Variants in IL1RAPL1 observed in about 807,000 individuals in gnomAD.
IL1RAPL1 encodes interleukin 1 receptor accessory protein like 1.
A neutral mutation model predicts 48.4 loss-of-function variants in IL1RAPL1; 3 were observed. The observed-to-expected ratio is 0.06, with a 90% confidence interval of 0.03 to 0.16. IL1RAPL1 has a LOEUF of 0.16. Ranked by LOEUF, IL1RAPL1 falls within the 10% of genes least tolerant of loss-of-function variation. IL1RAPL1 has a pLI of 1.00. For synonymous variants in IL1RAPL1, 185 were observed against 187.7 expected, an observed-to-expected ratio of 0.99 and a Z score of 0.12; for missense variants, 349 against 530.6, an observed-to-expected ratio of 0.66 and a Z score of 3.36.
intron 6 of IL1RAPL1, among the ~76,000 whole-genome samples, chrX:29,738,881 C>A (rs1208714254): frequency 8.9e-6 from 1 of 112,346 alleles, no homozygotes. Context: ...GCTAGGAATG[C>A]ACTAAAGATC....
At chrX:29,952,158 T>C (rs967863732) in intron 9 of IL1RAPL1, among the ~76,000 whole-genome samples, 3 of 111,968 alleles carry the variant, frequency 2.7e-5, no homozygotes, top group Non-Finnish European at 5.6e-5. Flanking sequence ...CCGTTCTTAC[T>C]GGTGTTCATA....
chrX:28,684,144 T>A (rs777393138), intron 1 of IL1RAPL1, among the ~76,000 whole-genome samples: 1 of 112,211 alleles, frequency 8.9e-6, no homozygotes, highest in Non-Finnish European at 1.9e-5. Context: ...CTTTGTAGAT[T>A]TATTTATTGA....
intron 6 of IL1RAPL1, among the ~76,000 whole-genome samples, chrX:29,828,228 G>C (rs1930786083): frequency 1.8e-5 from 2 of 111,794 alleles, no homozygotes; most frequent in African/African-American, 6.5e-5. Context: ...TAGGCATAGA[G>C]CAGGTCTTGG....
chrX:29,108,881 A>G (rs1928502485), intron 2 of IL1RAPL1, among the ~76,000 whole-genome samples: 1 of 111,694 alleles, frequency 9.0e-6, no homozygotes, highest in Non-Finnish European at 1.9e-5. Flanking sequence ...ATGTGATTCA[A>G]TGAAGATTCA....
chrX:29,236,874 CCTT>C (rs983530728), intron 2 of IL1RAPL1, among the ~76,000 whole-genome samples: 1 of 109,416 alleles, frequency 9.1e-6, no homozygotes, highest in Non-Finnish European at 1.9e-5. Flanking sequence ...TGGCCCCATT[CCTT>C]CTTCTTCTTA....
At chrX:29,137,778 A>C (rs1428943443) in intron 2 of IL1RAPL1, among the ~76,000 whole-genome samples, 1 of 112,530 alleles carries the variant, frequency 8.9e-6, no homozygotes, top group East Asian at 2.8e-4. Context: ...AATGGTGCAC[A>C]TGTGGTTAGC....
intron 5 of IL1RAPL1, among the ~76,000 whole-genome samples, chrX:29,628,911 G>A (rs1924689784): frequency 1.8e-5 from 2 of 111,896 alleles, no homozygotes; most frequent in East Asian, 2.8e-4. Context: ...TACTCGAATT[G>A]GATTACTTTT....
chrX:29,920,068 A>G lies in IL1RAPL1; in HGVS notation c.1031A>G (p.His344Arg). The G allele has an allele frequency of 8.3e-7, 1 of 1,211,838 alleles. No homozygotes were observed. The stretch of plus-strand genomic sequence containing the variant: ...GTTGAAAATGGAAATGGACGTCGAC[A>G]CGCCAGCGTTCTCCTTCATAAACGA... The part of the protein sequence containing the change: ...CYVENGNGRR[H>R]ASVLLHKREL... The change falls in exon 8 of 11, where the codon CAC becomes CGC. Residue 344 changes from histidine (H) to arginine (R), a missense_variant. Coordinates refer to ENST00000378993, the MANE Select transcript of IL1RAPL1 (RefSeq NM_014271.4).
intron 9 of IL1RAPL1, 87 bp from the exon 10 acceptor site, chrX:29,954,435 G>A (rs935167883): frequency 2.0e-5 from 15 of 765,119 alleles, no homozygotes; most frequent in African/African-American, 1.7e-4. Flanking sequence ...ATTTGGAGAC[G>A]TTTATGAAAA....
At chrX:29,465,054 A>G (rs905129124) in intron 5 of IL1RAPL1, among the ~76,000 whole-genome samples, 2 of 112,054 alleles carry the variant, frequency 1.8e-5, no homozygotes, top group Non-Finnish European at 3.8e-5. Flanking sequence ...AACCTGCAAC[A>G]TGTACCCCTT....
chrX:29,746,824 T>C (rs1928346175), intron 6 of IL1RAPL1, among the ~76,000 whole-genome samples: 1 of 112,249 alleles, frequency 8.9e-6, no homozygotes, highest in Admixed American at 9.4e-5. Flanking sequence ...GCCAGGCTGG[T>C]CTTGAACTAC....
At chrX:28,856,190 G>A (rs970949394) in intron 2 of IL1RAPL1, among the ~76,000 whole-genome samples, 5 of 111,943 alleles carry the variant, frequency 4.5e-5, no homozygotes, top group African/African-American at 6.5e-5. Context: ...AGGAACTCCT[G>A]TTGAAATGAA....
chrX:29,608,709 T>C (rs61410117), intron 5 of IL1RAPL1, among the ~76,000 whole-genome samples: 23,539 of 93,111 alleles, frequency 0.25, 3,885 homozygotes, highest in African/African-American at 0.38. Context: ...GCCTGTAGTC[T>C]CAGCTACTCG....
At chrX:29,227,288 A>C (rs1414265181) in intron 2 of IL1RAPL1, among the ~76,000 whole-genome samples, 1 of 110,678 alleles carries the variant, frequency 9.0e-6, no homozygotes, top group Non-Finnish European at 1.9e-5. Context: ...TAGTAGTATT[A>C]AGAAAGCTTT....
At chrX:29,089,861 A>G (rs1264268174) in intron 2 of IL1RAPL1, among the ~76,000 whole-genome samples, 1 of 96,835 alleles carries the variant, frequency 1.0e-5, no homozygotes, top group Non-Finnish European at 2.1e-5. Flanking sequence ...CTGATAGTGA[A>G]CTGTTATGTT....
At chrX:28,924,711 C>G (rs965334864) in intron 2 of IL1RAPL1, among the ~76,000 whole-genome samples, 2 of 112,037 alleles carry the variant, frequency 1.8e-5, no homozygotes, top group African/African-American at 6.5e-5. Context: ...TTATGTGGCT[C>G]TCACGTGAAA....
intron 3 of IL1RAPL1, among the ~76,000 whole-genome samples, chrX:29,325,730 GA>G (rs1301694854): frequency 8.9e-6 from 1 of 111,877 alleles, no homozygotes; most frequent in Non-Finnish European, 1.9e-5. Flanking sequence ...TAATTTATAA[GA>G]AAAAAAGTTT....
intron 2 of IL1RAPL1, among the ~76,000 whole-genome samples, chrX:29,048,395 G>T (rs753332705): frequency 3.6e-5 from 4 of 111,869 alleles, no homozygotes; most frequent in Non-Finnish European, 5.6e-5. Context: ...ATTACTTCAA[G>T]TCTCTGAGTG....
intron 3 of IL1RAPL1, among the ~76,000 whole-genome samples, chrX:29,339,013 G>A (rs1427395847): frequency 9.3e-6 from 1 of 106,969 alleles, no homozygotes; most frequent in Non-Finnish European, 1.9e-5. Flanking sequence ...TAATATGTTC[G>A]GCCCACCCGA....
Sources: allele counts gnomAD v4.1 joint callset (sites outside exome capture counted in the v4.1 genomes callset), GRCh38; gene constraint gnomAD v4.1.1; transcripts MANE v1.5; gene names NCBI Gene and HGNC (gene_info 2026-07-23, HGNC 2026-07-21).